PCDHGB5: variants seen among roughly 807,000 people sequenced by gnomAD.
PCDHGB5 encodes protocadherin gamma-B5.
Under a neutral mutation model 62.9 loss-of-function variants are expected in PCDHGB5, and 48 were observed. The ratio of observed to expected loss-of-function variants is 0.76; its 90% confidence interval spans 0.61 to 0.97. The LOEUF (loss-of-function observed/expected upper bound fraction) is 0.97. PCDHGB5 is among the 50% of genes least tolerant of loss of function. The probability of loss-of-function intolerance (pLI) is 0.00; values close to 1 mark genes in which losing one functional copy is unlikely to be tolerated. For synonymous variants in PCDHGB5, 474 were observed against 511.2 expected, an observed-to-expected ratio of 0.93 and a Z score of 0.98; for missense variants, 1,118 against 1,198.6, an observed-to-expected ratio of 0.93 and a Z score of 0.99.
At chr5:141,415,909 C>A in intron 1 of PCDHGB5, 1 of 761,030 alleles carries the variant, frequency 1.3e-6, no homozygotes, top group Non-Finnish European at 1.8e-6. Flanking sequence ...GACTTCCATA[C>A]AGAAGTGCCT....
intron 1 of PCDHGB5, among the ~76,000 whole-genome samples, chr5:141,492,781 T>A (rs945023154): frequency 6.6e-6 from 1 of 152,194 alleles, no homozygotes; most frequent in African/African-American, 2.4e-5. Context: ...TGAGTGAGCC[T>A]CTATAGGACA....
In PCDHGB5 at chr5:141,399,460, G is replaced by C. The variant is rs1465606526; in HGVS notation, c.1333G>C (p.Ala445Pro). 1 of 1,613,962 alleles carries C rather than the reference G, an allele frequency of 6.2e-7. No homozygotes were observed. The highest frequency in any genetic ancestry group is 1.7e-5 in the Admixed American group (1 of 60,030). ...ILHIRDVNDN[A>P]PVFHQASYLV... ...ACATATCAGAGACGTCAACGATAAC[G>C]CTCCGGTTTTCCACCAGGCGTCCTA... Residue 445 changes from alanine to proline, a missense_variant, in exon 1 of 4, where the codon GCT becomes CCT. By Grantham distance (27) the Ala-to-Pro change is conservative (BLOSUM62 -1). Transcript: ENST00000617380.
intron 1 of PCDHGB5, chr5:141,427,090 A>G: frequency 2.2e-6 from 1 of 458,214 alleles, no homozygotes; most frequent in East Asian, 6.9e-5. Context: ...GACCAGGATG[A>G]GGGTGTCAAT....
intron 3 of PCDHGB5, chr5:141,508,363 A>G (rs996562348): frequency 1.3e-5 from 2 of 152,230 alleles, no homozygotes; most frequent in Non-Finnish European, 2.9e-5. Flanking sequence ...TGGCAATCCA[A>G]CTTCTTCCCC....
Position 141,490,732 on chromosome 5 carries a change from G to T in PCDHGB5, c.2398-4075G>T, listed in dbSNP as rs775388969. 4 of 1,614,188 alleles carry T rather than the reference G, an allele frequency of 2.5e-6. No individual in the cohort carries two copies. Among genetic ancestry groups the T allele is most frequent in the Non-Finnish European group, 3.4e-6 (4 of 1,180,042 alleles). ...CACCTACTCCATTGTAGGAAATCAGGTTCAGGGAGCCCCAGCCTCCTCCTT... is the reference window on the plus strand; with the variant it reads ...CACCTACTCCATTGTAGGAAATCAGTTTCAGGGAGCCCCAGCCTCCTCCTT... On this transcript the variant is annotated intron_variant, in intron 1 of 3. Transcript: ENST00000617380. The surrounding 1 kb of genome is among the most constrained non-coding windows in gnomAD (Gnocchi z 5.4).
At chr5:141,458,130 C>A (rs1441742986) in intron 1 of PCDHGB5, among the ~76,000 whole-genome samples, 2 of 152,248 alleles carry the variant, frequency 1.3e-5, no homozygotes, top group African/African-American at 4.8e-5. Flanking sequence ...AGGAACCAGG[C>A]AGAGAAAAAT....
chr5:141,399,670 GCCTTTGACTACGAGCAGCTGCGCA>G lies in PCDHGB5; in HGVS notation c.1548_1571del (p.Asp517_Phe524del), dbSNP rs758329241. 2 of 1,613,610 alleles carry G rather than the reference GCCTTTGACTACGAGCAGCTGCGCA, an allele frequency of 1.2e-6. No homozygotes were observed. Among genetic ancestry groups the G allele is most frequent in the East Asian group, 4.5e-5 (2 of 44,886 alleles). ...AAGTGGGGTGGTGTTCGCGCAGCGCGCCTTTGACTACGAGCAGCTGCGCACCTTCGAACTCACACTACAGGCCCG... is the reference window on the plus strand; with the variant it reads ...AAGTGGGGTGGTGTTCGCGCAGCGCGCCTTCGAACTCACACTACAGGCCCG... On this transcript the variant is annotated inframe_deletion, in exon 1 of 4. Transcript: ENST00000617380.
At chr5:141,472,332 G>A (rs566731120) in intron 1 of PCDHGB5, among the ~76,000 whole-genome samples, 1 of 152,116 alleles carries the variant, frequency 6.6e-6, no homozygotes, top group East Asian at 1.9e-4. Flanking sequence ...ACGAGGTTGG[G>A]AGATCGAGAC....
At chr5:141,488,620 C>A (rs1271344928) in intron 1 of PCDHGB5, among the ~76,000 whole-genome samples, 1 of 152,164 alleles carries the variant, frequency 6.6e-6, no homozygotes, top group East Asian at 1.9e-4. Context: ...CTAATCTTTT[C>A]TCTCACCTTA....
Position 141,511,390 on chromosome 5 carries a change from C to T in PCDHGB5, c.*217C>T, listed in dbSNP as rs2099883760. 1.8e-6 allele frequency: 2 copies of T among 1,101,460 alleles called. No individual in the cohort carries two copies. Among genetic ancestry groups the T allele is most frequent in the Admixed American group, 2.9e-5 (1 of 34,440 alleles). The allele number at this position is 1,101,460 out of a possible 1,614,324, so 68.2% of individuals were successfully genotyped here. A position where few individuals can be genotyped will look rare whatever the true frequency, so the allele number is the denominator to read the frequency against. On this transcript the variant is annotated 3_prime_UTR_variant, in exon 4 of 4. Transcript: ENST00000617380. ...ATGCAAAAGCAGTTCCGCTGGGAAC[C>T]CCCATCCAATCAACTGCTGTACCCA... is the stretch of plus-strand genomic sequence containing the variant.
At position 141,432,749 on chromosome 5, in the gene PCDHGB5, G is replaced by A; in HGVS notation, c.2397+32225G>A. 6.8e-6 allele frequency: 11 copies of A among 1,614,106 alleles called. No homozygotes were observed. The highest frequency in any genetic ancestry group is 9.3e-6 in the Non-Finnish European group (11 of 1,179,980). On this transcript the variant is annotated intron_variant, in intron 1 of 3. Coordinates refer to ENST00000617380, the MANE Select transcript of PCDHGB5 (RefSeq NM_018925.3). The surrounding 1 kb of genome is among the most constrained non-coding windows in gnomAD (Gnocchi z 6.0). ...CGCCACTGTCACGCTCACCGTGGCCGTGGCCGACAGCATCCCCCAAGTCCT... is the reference window on the plus strand; with the variant it reads ...CGCCACTGTCACGCTCACCGTGGCCATGGCCGACAGCATCCCCCAAGTCCT...
At chr5:141,448,802 A>G (rs897172074) in intron 1 of PCDHGB5, among the ~76,000 whole-genome samples, 14 of 152,044 alleles carry the variant, frequency 9.2e-5, no homozygotes, top group Non-Finnish European at 1.8e-4. Flanking sequence ...AAAATTAGCC[A>G]GGCGTGATGG....
At chr5:141,474,754 T>C (rs1351752958) in intron 1 of PCDHGB5, among the ~76,000 whole-genome samples, 4 of 152,228 alleles carry the variant, frequency 2.6e-5, no homozygotes, top group Non-Finnish European at 4.4e-5. Flanking sequence ...CCAAGACAAA[T>C]ATACAGAAAT....
chr5:141,408,720 A>T, intron 1 of PCDHGB5: 1 of 1,611,332 alleles, frequency 6.2e-7, no homozygotes, highest in Non-Finnish European at 8.5e-7. Context: ...TATAAGATAA[A>T]CTCTAATCCT....
intron 1 of PCDHGB5, among the ~76,000 whole-genome samples, chr5:141,474,294 G>A (rs535055214): frequency 1.3e-5 from 2 of 152,296 alleles, no homozygotes; most frequent in African/African-American, 4.8e-5. Context: ...CTAGATCAGT[G>A]CTTGTCAAAC....
chr5:141,470,262 A>C (rs924170384), intron 1 of PCDHGB5, among the ~76,000 whole-genome samples: 2 of 152,126 alleles, frequency 1.3e-5, no homozygotes, highest in African/African-American at 4.8e-5. Context: ...CTAAATGGAG[A>C]TACATGTTTG....
intron 1 of PCDHGB5, among the ~76,000 whole-genome samples, chr5:141,433,664 C>G (rs1027404017): frequency 6.6e-6 from 1 of 151,966 alleles, no homozygotes; most frequent in South Asian, 2.1e-4. Flanking sequence ...GGAGAAACCC[C>G]GTCTATACTA....
At chr5:141,415,182 C>A (rs2095840318) in intron 1 of PCDHGB5, 1 of 1,613,842 alleles carries the variant, frequency 6.2e-7, no homozygotes, top group Admixed American at 1.7e-5. Flanking sequence ...TGGCCGTGGC[C>A]GACAGCATCC....
chr5:141,425,242 G>A (rs2096863400), intron 1 of PCDHGB5, among the ~76,000 whole-genome samples: 1 of 152,128 alleles, frequency 6.6e-6, no homozygotes, highest in South Asian at 2.1e-4. Context: ...TAAATAAAAA[G>A]GATATGAGGT....
Sources: gnomAD v4.1 joint callset for allele counts (sites outside exome capture counted in the v4.1 genomes callset) on GRCh38, gnomAD v4.1.1 for gene constraint, Gnocchi (gnomAD v3.1) non-coding constraint, MANE v1.5 for transcripts, NCBI Gene and HGNC (gene_info 2026-07-23, HGNC 2026-07-21) for gene names.